The following EXOC6B variants were observed in gnomAD, a reference collection of about 807,000 sequenced individuals.
EXOC6B encodes the protein SEC15 homolog B.
EXOC6B carries 54 observed loss-of-function variants against 113.5 expected under a neutral mutation model. The ratio of observed to expected loss-of-function variants is 0.48; its 90% CI spans 0.38 to 0.60. EXOC6B has a LOEUF of 0.60. Among genes scored for constraint, EXOC6B ranks in the 20% least tolerant of loss-of-function variants. The pLI, the probability that EXOC6B is intolerant of heterozygous loss-of-function variation, is 0.00. For missense variants in EXOC6B, 797 were observed against 977.5 expected (o/e 0.82, Z 2.46); for synonymous variants, 357 against 339.0 (o/e 1.05, Z -0.58).
chr2:72,601,412 C>G (rs984066724), intron 6 of EXOC6B, among the ~76,000 whole-genome samples: 3 of 152,082 alleles, frequency 2.0e-5, no homozygotes, highest in African/African-American at 7.2e-5. Context: ...GTCTCAATCT[C>G]CTGACCTCGT....
At chr2:72,225,111 C>A (rs893438196) in intron 20 of EXOC6B, among the ~76,000 whole-genome samples, 2 of 150,824 alleles carry the variant, frequency 1.3e-5, no homozygotes, top group African/African-American at 4.9e-5. Context: ...TGTGGCCTCC[C>A]AAAGTGCTGG....
chr2:72,622,100 T>A (rs1295024394), intron 6 of EXOC6B, among the ~76,000 whole-genome samples: 1 of 151,792 alleles, frequency 6.6e-6, no homozygotes, highest in Non-Finnish European at 1.5e-5. Context: ...TAAGAATATA[T>A]GTTAAATCAT....
rs1020410616 is a variant in EXOC6B at position 72,388,665 on chromosome 2, G to A, written c.1981-8795C>T. Among the ~76,000 whole-genome samples, 3 of 152,040 alleles carry A rather than the reference G, an allele frequency of 2.0e-5. No individual in the cohort carries two copies. In the East Asian group the frequency reaches 5.8e-4, roughly 29 times the overall value. On this transcript the variant is annotated intron_variant, in intron 18 of 21. Coordinates refer to ENST00000272427, the MANE Select transcript of EXOC6B (RefSeq NM_015189.3). Reference sequence around the variant, plus strand: ...TTACTGAAAAGACTTAAAATTAGCAGCTGCAATTATGAATTTGTCTATTCA... The same window carrying A: ...TTACTGAAAAGACTTAAAATTAGCAACTGCAATTATGAATTTGTCTATTCA...
chr2:72,671,809 A>T (rs1558903306), intron 6 of EXOC6B, among the ~76,000 whole-genome samples: 1 of 141,202 alleles, frequency 7.1e-6, no homozygotes, highest in Non-Finnish European at 1.6e-5. Context: ...GAAAGAAAGA[A>T]AGAAAGAAAG....
intron 20 of EXOC6B, among the ~76,000 whole-genome samples, chr2:72,227,329 A>G (rs1681307132): frequency 6.6e-6 from 1 of 152,168 alleles, no homozygotes; most frequent in African/African-American, 2.4e-5. Context: ...AAAAACTATC[A>G]GGTGAAAAAG....
At chr2:72,333,956 TAAGAAATAC>T (rs763031276) in intron 20 of EXOC6B, among the ~76,000 whole-genome samples, 1 of 152,066 alleles carries the variant, frequency 6.6e-6, no homozygotes, top group Non-Finnish European at 1.5e-5. Flanking sequence ...CCTGCAGCTT[TAAGAAATAC>T]CCTGGGCATC....
In EXOC6B at chr2:72,825,708, C is replaced by T; in HGVS notation, c.113+90G>A. On this transcript the variant is annotated intron_variant, in intron 1 of 21. Transcript: ENST00000272427. The surrounding 1 kb of genome is among the most constrained non-coding windows in gnomAD (Gnocchi z 4.4). Reference sequence around the variant, plus strand: ...TCCGAAGGGAGGGGCCGGCGCCGGACCTGGGGACAGCCGGCCGGAGGCCCG... The same window carrying T: ...TCCGAAGGGAGGGGCCGGCGCCGGATCTGGGGACAGCCGGCCGGAGGCCCG... 7.1e-7 allele frequency: 1 copy of T among 1,400,326 alleles called. No individual in the cohort carries two copies. The highest frequency in any genetic ancestry group is 1.5e-5 in the South Asian group (1 of 65,532). The allele number at this position is 1,400,326 out of a possible 1,614,324, so 86.7% of individuals were successfully genotyped here. A position where few individuals can be genotyped will look rare whatever the true frequency, so the allele number is the denominator to read the frequency against.
chr2:72,755,676 G>A (rs1228846468), intron 1 of EXOC6B, among the ~76,000 whole-genome samples: 1 of 152,202 alleles, frequency 6.6e-6, no homozygotes, highest in Non-Finnish European at 1.5e-5. Context: ...GAAATCTATT[G>A]TAGGAGGAGA....
intron 18 of EXOC6B, among the ~76,000 whole-genome samples, chr2:72,456,686 C>T (rs904179904): frequency 6.6e-6 from 1 of 151,986 alleles, no homozygotes; most frequent in South Asian, 2.1e-4. Context: ...AATATTAATA[C>T]TTATCTGATG....
intron 18 of EXOC6B, among the ~76,000 whole-genome samples, chr2:72,438,529 A>G (rs1244771184): frequency 6.6e-6 from 1 of 152,180 alleles, no homozygotes; most frequent in Admixed American, 6.5e-5. Flanking sequence ...GGATCACTTA[A>G]GTCCAGCAGT....
chr2:72,189,240 T>C (rs1163493557), intron 20 of EXOC6B, among the ~76,000 whole-genome samples: 3 of 152,226 alleles, frequency 2.0e-5, no homozygotes, highest in Non-Finnish European at 4.4e-5. Context: ...CCTTTCTTTT[T>C]CTTATATGAT....
In EXOC6B at chr2:72,480,663, G is replaced by C; in HGVS notation, c.1753C>G (p.Pro585Ala). The C allele has an allele frequency of 6.3e-7, 1 of 1,590,390 alleles. No homozygotes were observed. Among genetic ancestry groups the C allele is most frequent in the Non-Finnish European group, 8.6e-7 (1 of 1,167,012 alleles). ...AGCTTGGTAGTGTGAACTGTCTCTG[G>C]AAGCACATTAGTGATGTTGGTGATA... ...EFITNITNVL[P>A]ETVHTTKLYG... The change falls in exon 17 of 22, where the codon CCA (proline) becomes GCA (alanine). Residue 585 changes from proline (P) to alanine (A), a missense_variant. Transcript: ENST00000272427.
chr2:72,421,869 C>T (rs756092918), intron 18 of EXOC6B, among the ~76,000 whole-genome samples: 35 of 152,330 alleles, frequency 2.3e-4, no homozygotes, highest in South Asian at 4.1e-4. Context: ...GCAGCGCTTG[C>T]GGGCCAGCTG....
At chr2:72,367,729 G>T (rs1690721954) in intron 19 of EXOC6B, among the ~76,000 whole-genome samples, 1 of 152,176 alleles carries the variant, frequency 6.6e-6, no homozygotes, top group South Asian at 2.1e-4. Context: ...GTGCACTTGG[G>T]AGAGGGAGAG....
chr2:72,593,989 T>C (rs1230054912), intron 6 of EXOC6B, among the ~76,000 whole-genome samples: 3 of 152,132 alleles, frequency 2.0e-5, no homozygotes, highest in Admixed American at 6.6e-5. Context: ...TTGTTGTTGT[T>C]GCTGTTGTTA....
chr2:72,490,558 T>A (rs1328159232), intron 16 of EXOC6B, among the ~76,000 whole-genome samples: 1 of 152,180 alleles, frequency 6.6e-6, no homozygotes, highest in African/African-American at 2.4e-5. Context: ...TTTATGTGTA[T>A]GTGTCTATAC....
chr2:72,595,425 A>G (rs974298375), intron 6 of EXOC6B, among the ~76,000 whole-genome samples: 2 of 150,278 alleles, frequency 1.3e-5, no homozygotes, highest in Admixed American at 6.6e-5. Context: ...TTTTGAAAAA[A>G]TAATTTTGTG....
intron 8 of EXOC6B, among the ~76,000 whole-genome samples, chr2:72,521,272 C>T (rs1405481662): frequency 1.3e-5 from 2 of 152,148 alleles, no homozygotes; most frequent in South Asian, 2.1e-4. Flanking sequence ...CTTCACTAGA[C>T]AAAAGAACCT....
In EXOC6B at chr2:72,543,746, A is replaced by C. The variant is rs546746463; in HGVS notation, c.915+15707T>G. 2.6e-5 allele frequency among the ~76,000 whole-genome samples: 4 copies of C among 152,294 alleles called. No individual in the cohort carries two copies. In the South Asian group the frequency reaches 8.3e-4, roughly 32 times the overall value. On this transcript the variant is annotated intron_variant, in intron 8 of 21. Transcript: ENST00000272427. ...TCCTTATCAATGCAGTGCACAAAGT[A>C]TCTCACCCTTAGTTTTTTCTCTAAG... is the stretch of plus-strand genomic sequence containing the variant.
Sources: gnomAD v4.1 joint callset for allele counts (sites outside exome capture counted in the v4.1 genomes callset) on GRCh38, gnomAD v4.1.1 for gene constraint, Gnocchi (gnomAD v3.1) non-coding constraint, MANE v1.5 for transcripts, NCBI Gene and HGNC (gene_info 2026-07-23, HGNC 2026-07-21) for gene names.